The following ZC4H2 variants were observed in gnomAD, a reference collection of about 807,000 sequenced individuals.
The protein encoded by ZC4H2 is zinc finger C4H2-type containing, also known as zinc finger C4H2 domain-containing protein.
For missense variants in ZC4H2, 137 were observed against 173.9 expected (o/e 0.79, Z 1.19); for synonymous variants, 84 against 66.3 (o/e 1.27, Z -1.30).
chrX:64,934,574 C>G (rs1929905007), intron 1 of ZC4H2, among the ~76,000 whole-genome samples: 1 of 112,202 alleles, frequency 8.9e-6, no homozygotes, highest in Non-Finnish European at 1.9e-5. Flanking sequence ...AGGAACAGCT[C>G]TGTCTGCAGC....
rs757931132 is a variant in ZC4H2 at position 64,946,409 on chromosome X, G to A, written c.54-24421C>T. On this transcript the variant is annotated intron_variant, in intron 1 of 4. Coordinates refer to ENST00000374839, the MANE Select transcript of ZC4H2 (RefSeq NM_018684.4). ...GTGACACCCCACCCTGATTCTGCTC[G>A]CCCTCTGTGGGCTGCACCCGCTGTC... Among the ~76,000 whole-genome samples, 7 of 110,633 alleles carry A rather than the reference G, an allele frequency of 6.3e-5. No individual in the cohort carries two copies. In the East Asian group the frequency reaches 8.6e-4, roughly 14 times the overall value.
At chrX:64,997,933 T>G (rs930295320) in intron 1 of ZC4H2, among the ~76,000 whole-genome samples, 1 of 112,165 alleles carries the variant, frequency 8.9e-6, no homozygotes, top group African/African-American at 3.2e-5. Flanking sequence ...GCATTTTTTG[T>G]AGGCTATTAA....
chrX:64,957,723 G>A (rs1931211372), intron 1 of ZC4H2, among the ~76,000 whole-genome samples: 1 of 109,719 alleles, frequency 9.1e-6, no homozygotes, highest in South Asian at 4.0e-4. Flanking sequence ...TTAGCCAGGT[G>A]TGGTGGTGCA....
chrX:64,926,102 G>T (rs1650057542), intron 1 of ZC4H2, among the ~76,000 whole-genome samples: 1 of 111,724 alleles, frequency 9.0e-6, no homozygotes, highest in Non-Finnish European at 1.9e-5. Flanking sequence ...TTTAGTGGAG[G>T]GACAACAATG....
chrX:64,925,087 T>C (rs991017526), intron 1 of ZC4H2, among the ~76,000 whole-genome samples: 1 of 111,135 alleles, frequency 9.0e-6, no homozygotes, highest in African/African-American at 3.3e-5. Context: ...ATGTGGCACA[T>C]GGTGGGCAGT....
chrX:64,927,290 C>A (rs1171331289), intron 1 of ZC4H2, among the ~76,000 whole-genome samples: 2 of 110,350 alleles, frequency 1.8e-5, no homozygotes, highest in African/African-American at 3.3e-5. Context: ...CCTAGCCCCC[C>A]ACCCCGACAG....
At chrX:64,924,190 A>G (rs1929328231) in intron 1 of ZC4H2, among the ~76,000 whole-genome samples, 1 of 111,855 alleles carries the variant, frequency 8.9e-6, no homozygotes, top group Admixed American at 9.5e-5. Flanking sequence ...TCTGCAGACA[A>G]AGTCATATCA....
rs756829788 is a variant in ZC4H2 at position 65,029,524 on chromosome X, A to G, written c.-272+5105T>C. 2.3e-3 allele frequency among the ~76,000 whole-genome samples: 253 copies of G among 111,623 alleles called. 2 individuals are homozygous for G. The highest frequency in any genetic ancestry group is 3.5e-3 in the Non-Finnish European group (188 of 53,127). On this transcript the variant is annotated intron_variant, in intron 1 of 4. Coordinates refer to the ZC4H2 transcript ENST00000337990. Reference sequence around the variant, plus strand: ...GGAGGCTCCAGGATCACAGGAGAGTATGTCTTTTAAGAATGGAAGAGTCTT... The same window carrying G: ...GGAGGCTCCAGGATCACAGGAGAGTGTGTCTTTTAAGAATGGAAGAGTCTT...
chrX:64,942,272 A>T (rs761561067), intron 1 of ZC4H2, among the ~76,000 whole-genome samples: 12 of 108,865 alleles, frequency 1.1e-4, no homozygotes, highest in Middle Eastern at 4.7e-3. Flanking sequence ...TGTCTATTTG[A>T]TTCTTCTCTT....
At chrX:64,922,866 G>A (rs1569201544) in intron 1 of ZC4H2, among the ~76,000 whole-genome samples, 4 of 112,131 alleles carry the variant, frequency 3.6e-5, no homozygotes, top group African/African-American at 9.7e-5. Flanking sequence ...ACAGCCACGT[G>A]TGGCTACTGG....
At chrX:64,951,357 A>C (rs1930820741) in intron 1 of ZC4H2, among the ~76,000 whole-genome samples, 1 of 111,599 alleles carries the variant, frequency 9.0e-6, no homozygotes, top group South Asian at 3.8e-4. Flanking sequence ...CTAGTTCTAG[A>C]TCCCTGAGGA....
At chrX:64,922,212 A>G in intron 1 of ZC4H2, 1 of 746,698 alleles carries the variant, frequency 1.3e-6, no homozygotes, top group South Asian at 4.9e-5. Context: ...GGAGTTTGAA[A>G]CCAGCATGGG....
intron 1 of ZC4H2, among the ~76,000 whole-genome samples, chrX:65,032,574 C>T (rs1199640934): frequency 8.9e-6 from 1 of 111,770 alleles, no homozygotes; most frequent in Non-Finnish European, 1.9e-5. Flanking sequence ...TGTTGATGAT[C>T]TCCAATCTGA....
At chrX:64,948,265 C>T (rs1002600494) in intron 1 of ZC4H2, among the ~76,000 whole-genome samples, 7 of 111,483 alleles carry the variant, frequency 6.3e-5, no homozygotes, top group African/African-American at 2.3e-4. Context: ...GGATTCGTTC[C>T]AGTGATTAAC....
chrX:64,968,945 C>T (rs1931684142), intron 1 of ZC4H2, among the ~76,000 whole-genome samples: 1 of 111,667 alleles, frequency 9.0e-6, no homozygotes, highest in South Asian at 3.8e-4. Context: ...CACCTTGTTG[C>T]TGCATTTTCA....
Position 64,962,460 on chromosome X carries a change from T to C in ZC4H2, c.53+13865A>G, listed in dbSNP as rs185206285. On this transcript the variant is annotated intron_variant, in intron 1 of 4. Coordinates refer to ENST00000374839, the MANE Select transcript of ZC4H2 (RefSeq NM_018684.4). ...AAGCCCACAGCTAAGTCATACTTAA[T>C]GGTAAAACACTGAAAGATCAGCAAA... 5.4e-5 allele frequency among the ~76,000 whole-genome samples: 6 copies of C among 111,484 alleles called. No homozygotes were observed. The Admixed American group carries it at 5.7e-4, about 11-fold the overall frequency.
chrX:64,967,323 C>T (rs1379131792), intron 1 of ZC4H2, among the ~76,000 whole-genome samples: 4 of 111,605 alleles, frequency 3.6e-5, no homozygotes, highest in East Asian at 2.8e-4. Flanking sequence ...CTCTAATCTA[C>T]AAAGAGTGTC....
chrX:64,954,326 ATATATATATATAAT>A (rs1277055856), intron 1 of ZC4H2, among the ~76,000 whole-genome samples: 8 of 78,247 alleles, frequency 1.0e-4, no homozygotes, highest in Admixed American at 1.6e-4. Context: ...AATTATATAT[ATATATATATATAAT>A]TATATATATA....
At chrX:64,930,985 G>C (rs1188284931) in intron 1 of ZC4H2, among the ~76,000 whole-genome samples, 1 of 111,454 alleles carries the variant, frequency 9.0e-6, no homozygotes, top group Non-Finnish European at 1.9e-5. Context: ...GAATCCACCT[G>C]GTTCTGAACT....
Sources: allele counts gnomAD v4.1 joint callset (sites outside exome capture counted in the v4.1 genomes callset), GRCh38; gene constraint gnomAD v4.1.1; transcripts MANE v1.5; gene names NCBI Gene and HGNC (gene_info 2026-07-23, HGNC 2026-07-21).